Variants in SENP7 observed in about 807,000 individuals in gnomAD.
SENP7 encodes the protein sentrin-specific protease 7.
A neutral mutation model predicts 141.2 loss-of-function variants in SENP7; 64 were observed. The ratio of observed to expected loss-of-function variants is 0.45; its 90% CI spans 0.37 to 0.56. The LOEUF is 0.56. Among genes scored for constraint, SENP7 ranks in the 20% least tolerant of loss-of-function variants. The pLI is 0.00. For missense variants in SENP7, 1,025 were observed against 1,212.2 expected (o/e 0.85, Z 2.29); for synonymous variants, 382 against 426.4 (o/e 0.90, Z 1.28).
At chr3:101,335,564 C>T (rs2059162550) in intron 17 of SENP7, among the ~76,000 whole-genome samples, 1 of 152,100 alleles carries the variant, frequency 6.6e-6, no homozygotes, top group East Asian at 1.9e-4. Flanking sequence ...GGATGCCACT[C>T]ACGTAACTTT....
intron 17 of SENP7, chr3:101,333,150 T>C (rs2059098588): frequency 5.9e-6 from 2 of 337,230 alleles, no homozygotes; most frequent in South Asian, 9.6e-5. Flanking sequence ...CACAGTTAAA[T>C]CTACTTATTT....
At chr3:101,414,418 G>A in intron 5 of SENP7, 1 of 1,136,558 alleles carries the variant, frequency 8.8e-7, no homozygotes, top group Non-Finnish European at 1.3e-6. Context: ...CCAGGCTTTG[G>A]TCACCAGTGA....
At chr3:101,450,481 A>C (rs1238129659) in intron 4 of SENP7, among the ~76,000 whole-genome samples, 2 of 152,216 alleles carry the variant, frequency 1.3e-5, no homozygotes, top group African/African-American at 4.8e-5. Flanking sequence ...CTCCTCAGCA[A>C]ATGTAAAAGA....
intron 4 of SENP7, among the ~76,000 whole-genome samples, chr3:101,429,221 T>A (rs568170395): frequency 3.9e-5 from 6 of 152,234 alleles, no homozygotes; most frequent in Non-Finnish European, 7.3e-5. Flanking sequence ...TTTTTCCAAT[T>A]CTGTGAAGAA....
intron 4 of SENP7, among the ~76,000 whole-genome samples, chr3:101,421,393 A>T (rs1410478776): frequency 6.6e-6 from 1 of 152,196 alleles, no homozygotes; most frequent in Non-Finnish European, 1.5e-5. Flanking sequence ...TGCAAACAAA[A>T]CTTTAAGGAA....
chr3:101,413,088 CA>C (rs1454404444), intron 5 of SENP7, among the ~76,000 whole-genome samples: 1 of 152,032 alleles, frequency 6.6e-6, no homozygotes, highest in African/African-American at 2.4e-5. Flanking sequence ...AAATGTCCAA[CA>C]AAATACCATT....
chr3:101,472,126 A>G (rs62280735), intron 3 of SENP7, among the ~76,000 whole-genome samples: 19,720 of 152,290 alleles, frequency 0.13, 1,333 homozygotes, highest in South Asian at 0.18. Context: ...TGGAATTACC[A>G]TTTGACTGAG....
At chr3:101,328,097 A>C (rs1366748735) in intron 22 of SENP7, among the ~76,000 whole-genome samples, 2 of 152,188 alleles carry the variant, frequency 1.3e-5, no homozygotes, top group African/African-American at 4.8e-5. Context: ...AAGTTTCATC[A>C]TTAGTTTTTT....
At chr3:101,476,094 T>C (rs1287447321) in intron 3 of SENP7, among the ~76,000 whole-genome samples, 3 of 152,226 alleles carry the variant, frequency 2.0e-5, no homozygotes, top group East Asian at 1.9e-4. Flanking sequence ...AAAGGTAACA[T>C]TGCCAGTTTT....
At chr3:101,491,225 G>T (rs2108094045) in intron 3 of SENP7, among the ~76,000 whole-genome samples, 1 of 150,350 alleles carries the variant, frequency 6.7e-6, no homozygotes, top group South Asian at 2.1e-4. Context: ...TGGGCTCAAA[G>T]GATCCTCCCA....
intron 6 of SENP7, among the ~76,000 whole-genome samples, chr3:101,386,953 C>T (rs1411988337): frequency 1.3e-5 from 2 of 152,220 alleles, no homozygotes; most frequent in Admixed American, 1.3e-4. Context: ...GCCCTGCCAA[C>T]GCCACCAATG....
intron 1 of SENP7, among the ~76,000 whole-genome samples, 193 bp downstream of exon 1, chr3:101,512,898 T>A (rs907451954): frequency 1.1e-4 from 16 of 152,150 alleles, no homozygotes; most frequent in African/African-American, 3.9e-4. Flanking sequence ...GAGGCTTCGA[T>A]GACAGCTCGG....
At chr3:101,355,139 C>A (rs1033745472) in intron 11 of SENP7, among the ~76,000 whole-genome samples, 2 of 152,086 alleles carry the variant, frequency 1.3e-5, no homozygotes, top group African/African-American at 2.4e-5. Context: ...GCCTACTTTG[C>A]AAATATTTCC....
At chr3:101,464,315 C>CT (rs1327783553) in intron 3 of SENP7, among the ~76,000 whole-genome samples, 3 of 152,140 alleles carry the variant, frequency 2.0e-5, no homozygotes, top group African/African-American at 7.2e-5. Context: ...TCCCTAACCC[C>CT]AGGCCATGGA....
At chr3:101,453,166 A>G (rs1256419836) in intron 4 of SENP7, among the ~76,000 whole-genome samples, 1 of 152,244 alleles carries the variant, frequency 6.6e-6, no homozygotes, top group African/African-American at 2.4e-5. Flanking sequence ...CCACAATGAG[A>G]TACCATCTCA....
chr3:101,387,493 C>T (rs764465405), intron 6 of SENP7, among the ~76,000 whole-genome samples: 4 of 152,090 alleles, frequency 2.6e-5, no homozygotes, highest in Non-Finnish European at 5.9e-5. Flanking sequence ...GAGACCTGCC[C>T]CCTCACAACT....
intron 11 of SENP7, chr3:101,357,350 G>A (rs1437810171): frequency 5.4e-5 from 37 of 683,784 alleles, no homozygotes; most frequent in Non-Finnish European, 9.6e-5. Context: ...TGTGATGTTA[G>A]AGAACTACAG....
At chr3:101,378,754 C>A (rs913910466) in intron 6 of SENP7, among the ~76,000 whole-genome samples, 1 of 152,018 alleles carries the variant, frequency 6.6e-6, no homozygotes, top group African/African-American at 2.4e-5. Flanking sequence ...CTAGGCATAT[C>A]ATATTAAACT....
At chr3:101,377,217 A>G (rs2060362145) in intron 6 of SENP7, among the ~76,000 whole-genome samples, 2 of 152,334 alleles carry the variant, frequency 1.3e-5, no homozygotes, top group South Asian at 4.1e-4. Context: ...CTTGGAAGTT[A>G]TCTATCCTAA....
Sources: gnomAD v4.1 joint callset for allele counts (sites outside exome capture counted in the v4.1 genomes callset) on GRCh38, gnomAD v4.1.1 for gene constraint, MANE v1.5 for transcripts, NCBI Gene and HGNC (gene_info 2026-07-23, HGNC 2026-07-21) for gene names.